Variants in MLIP observed in about 807,000 individuals in gnomAD.
The protein encoded by MLIP is muscular LMNA interacting protein.
A neutral mutation model predicts 84.8 loss-of-function variants in MLIP; 79 were observed. That is an observed-to-expected ratio of 0.93 (90% CI 0.78 to 1.12). The LOEUF (loss-of-function observed/expected upper bound fraction) is 1.12. Among genes scored for constraint, MLIP ranks in the 50% most tolerant of loss-of-function variants. The probability of loss-of-function intolerance (pLI) is 0.00; values close to 1 mark genes in which losing one functional copy is unlikely to be tolerated. For missense variants in MLIP, 1,257 were observed against 1,160.6 expected, an observed-to-expected ratio of 1.08 and a Z score of -1.21; for synonymous variants, 504 against 463.0, an observed-to-expected ratio of 1.09 and a Z score of -1.14.
In MLIP at chr6:54,022,122, T is replaced by C. The variant is rs148592350; in HGVS notation, c.63+3031T>C. Among the ~76,000 whole-genome samples, 7 of 152,346 alleles carry C rather than the reference T, an allele frequency of 4.6e-5. No individual in the cohort carries two copies. The South Asian group carries it at 1.2e-3, about 27-fold the overall frequency. The stretch of plus-strand genomic sequence containing the variant: ...TCATGTATTTTCTAAACTCTGTTCC[T>C]GGGAATTCTGATTTTCCAAAATGCT... On this transcript the variant is annotated intron_variant, in intron 1 of 12. Transcript: ENST00000274897.
At chr6:54,031,272 A>C (rs1337672393) in intron 1 of MLIP, 2 of 152,002 alleles carry the variant, frequency 1.3e-5, no homozygotes, top group Non-Finnish European at 2.9e-5. Context: ...TTGCTGACTC[A>C]ATGAGATTGT....
upstream of MLIP, among the ~76,000 whole-genome samples, chr6:54,106,504 C>T (rs952763656): frequency 1.1e-4 from 17 of 152,076 alleles, no homozygotes; most frequent in South Asian, 6.2e-4. Context: ...TGGCAGGTTC[C>T]GCTACTGGGA....
At chr6:54,160,081 G>C (rs566745714) in intron 5 of MLIP, among the ~76,000 whole-genome samples, 1 of 151,904 alleles carries the variant, frequency 6.6e-6, no homozygotes, top group Non-Finnish European at 1.5e-5. Flanking sequence ...TGGGGAAAGA[G>C]TTCCCTATTT....
intron 5 of MLIP, among the ~76,000 whole-genome samples, chr6:54,160,149 T>G (rs2150561140): frequency 6.6e-6 from 1 of 152,164 alleles, no homozygotes; most frequent in South Asian, 2.1e-4. Flanking sequence ...ACTGGACCCC[T>G]TCCTTACACC....
chr6:54,250,575 A>G (rs1448193316), intron 12 of MLIP, among the ~76,000 whole-genome samples: 1 of 152,084 alleles, frequency 6.6e-6, no homozygotes, highest in Non-Finnish European at 1.5e-5. Flanking sequence ...CTCATATTTA[A>G]CAGTGTTCAT....
In MLIP at chr6:54,020,272, A is replaced by G. The variant is rs531297538; in HGVS notation, c.63+1181A>G. Reference sequence around the variant, plus strand: ...AATCTGAAGGCTTTTGTGAAGAATAAAAACTATAATGTATGTGAAGTCCCT... The same window carrying G: ...AATCTGAAGGCTTTTGTGAAGAATAGAAACTATAATGTATGTGAAGTCCCT... On this transcript the variant is annotated intron_variant, in intron 1 of 12. Transcript: ENST00000274897. 5.1e-4 allele frequency among the ~76,000 whole-genome samples: 78 copies of G among 152,242 alleles called. 1 individual carries two copies. Among genetic ancestry groups the G allele is most frequent in the Non-Finnish European group, 1.0e-3 (69 of 68,034 alleles).
intron 5 of MLIP, among the ~76,000 whole-genome samples, chr6:54,153,817 A>G (rs1290287436): frequency 2.1e-5 from 3 of 143,240 alleles, no homozygotes; most frequent in Admixed American, 1.5e-4. Context: ...GCGCCACTGC[A>G]CTCCAGCCTG....
chr6:54,023,130 G>A (rs1763594516), intron 1 of MLIP, among the ~76,000 whole-genome samples: 1 of 150,934 alleles, frequency 6.6e-6, no homozygotes, highest in Admixed American at 6.6e-5. Context: ...TTGCGCCACT[G>A]CACTCCAGCC....
chr6:54,239,875 C>G (rs1464310474), intron 12 of MLIP, among the ~76,000 whole-genome samples: 1 of 152,060 alleles, frequency 6.6e-6, no homozygotes, highest in Non-Finnish European at 1.5e-5. Flanking sequence ...CCCTTCCAGT[C>G]AATAAATATT....
chr6:54,077,296 T>G (rs1008641183), intron 1 of MLIP, among the ~76,000 whole-genome samples: 7 of 152,006 alleles, frequency 4.6e-5, no homozygotes, highest in African/African-American at 1.7e-4. Context: ...TTTTCTTGGC[T>G]GCAACTACCC....
intron 1 of MLIP, among the ~76,000 whole-genome samples, chr6:54,058,640 C>T (rs1765795095): frequency 6.6e-6 from 1 of 152,162 alleles, no homozygotes; most frequent in Non-Finnish European, 1.5e-5. Flanking sequence ...ATAAAATCCT[C>T]CTTGAGAAAG....
chr6:54,054,505 G>A (rs1186183869), intron 1 of MLIP, among the ~76,000 whole-genome samples: 1 of 150,912 alleles, frequency 6.6e-6, no homozygotes, highest in Non-Finnish European at 1.5e-5. Context: ...GTAATGGAAT[G>A]TGAACTGAAA....
rs1305140021 is a variant in MLIP at position 54,266,031 on chromosome 6, C to T, written c.*76C>T. 128 of 1,210,232 alleles carry T rather than the reference C, an allele frequency of 1.1e-4. No individual in the cohort carries two copies. The highest frequency in any genetic ancestry group is 1.3e-4 in the Admixed American group (6 of 44,762). 75.0% of individuals were successfully genotyped at this position (1,210,232 alleles called of 1,614,324 possible). ...GGTGCTAACCACTTGCTAGATTTAA[C>T]TTTTTTTTTTTTTTCCAGAATGAGT... On this transcript the variant is annotated 3_prime_UTR_variant, in exon 14 of 14. Transcript: ENST00000502396.
chr6:54,159,920 C>T (rs1020954315), intron 5 of MLIP, among the ~76,000 whole-genome samples: 3 of 152,038 alleles, frequency 2.0e-5, no homozygotes, highest in African/African-American at 4.8e-5. Context: ...TCCCTGACTT[C>T]AAACTATACT....
intron 1 of MLIP, among the ~76,000 whole-genome samples, chr6:54,051,949 G>T (rs1582036873): frequency 6.6e-6 from 1 of 152,140 alleles, no homozygotes; most frequent in Non-Finnish European, 1.5e-5. Flanking sequence ...ATAACTGGAA[G>T]ACCAAGGGTA....
chr6:54,265,893 T>G, intron 13 of MLIP, 57 bp from the exon 14 acceptor site: 1 of 1,495,992 alleles, frequency 6.7e-7, no homozygotes, highest in Non-Finnish European at 9.2e-7. Flanking sequence ...AATTTTCAGG[T>G]GTATATTTTT....
At chr6:54,095,326 T>A (rs1482420245) in intron 1 of MLIP, among the ~76,000 whole-genome samples, 1 of 152,172 alleles carries the variant, frequency 6.6e-6, no homozygotes, top group African/African-American at 2.4e-5. Flanking sequence ...TTGCTCCCTC[T>A]ACTCAGAAGG....
At chr6:54,097,987 G>A (rs1342427334) in intron 1 of MLIP, among the ~76,000 whole-genome samples, 1 of 152,018 alleles carries the variant, frequency 6.6e-6, no homozygotes, top group Non-Finnish European at 1.5e-5. Context: ...CGGGAGCTCA[G>A]GAGAGAGCAC....
chr6:54,087,624 A>G (rs1205644910), intron 1 of MLIP, among the ~76,000 whole-genome samples: 1 of 152,102 alleles, frequency 6.6e-6, no homozygotes. Flanking sequence ...TCTGGGGGCC[A>G]CTGCCCTCAC....
Sources: allele counts gnomAD v4.1 joint callset (sites outside exome capture counted in the v4.1 genomes callset), GRCh38; gene constraint gnomAD v4.1.1; transcripts MANE v1.5; gene names NCBI Gene and HGNC (gene_info 2026-07-23, HGNC 2026-07-21).